NCKAP5: variants seen among roughly 807,000 people sequenced by gnomAD.
NCKAP5 encodes the protein NCK associated protein 5.
A neutral mutation model predicts 167.0 loss-of-function variants in NCKAP5; 92 were observed. The ratio of observed to expected loss-of-function variants is 0.55; its 90% CI spans 0.47 to 0.66. The LOEUF (loss-of-function observed/expected upper bound fraction) is 0.66. Among genes scored for constraint, NCKAP5 ranks in the 30% least tolerant of loss-of-function variants. The pLI is 0.00. For synonymous variants in NCKAP5, 891 were observed against 877.4 expected, an observed-to-expected ratio of 1.02 and a Z score of -0.27; for missense variants, 2,378 against 2,315.0, an observed-to-expected ratio of 1.03 and a Z score of -0.56.
At chr2:133,647,356 A>AAAGG in the NCKAP5 span, among the ~76,000 whole-genome samples, 1 of 121,730 alleles carries the variant, frequency 8.2e-6, no homozygotes, top group South Asian at 2.6e-4. Context: ...GAAAGGAAAG[A>AAAGG]AAGGAAGGAA....
At chr2:133,305,320 C>T (rs1301912841) in intron 3 of NCKAP5, among the ~76,000 whole-genome samples, 1 of 152,142 alleles carries the variant, frequency 6.6e-6, no homozygotes. Context: ...GCTATGTTCC[C>T]CTGGTCACAT....
chr2:133,008,972 C>T (rs1252184559), intron 6 of NCKAP5, among the ~76,000 whole-genome samples: 2 of 152,184 alleles, frequency 1.3e-5, no homozygotes, highest in African/African-American at 4.8e-5. Context: ...CATGCATCCT[C>T]CAGGTTCCAG....
At position 133,525,138 on chromosome 2, in the gene NCKAP5, TAGA is replaced by T. The variant is rs1322429736; in HGVS notation, c.-61-7554_-61-7552del. 3.9e-5 allele frequency among the ~76,000 whole-genome samples: 6 copies of T among 152,318 alleles called. No individual in the cohort carries two copies. In the South Asian group the frequency reaches 1.0e-3, roughly 26 times the overall value. On this transcript the variant is annotated intron_variant, in intron 2 of 19. Transcript: ENST00000409261. ...TCCTACCAGCCCCCTGAAACTGATT[TAGA>T]AGAAGATTAAATGCTAACAAATTTC...
chr2:132,736,286 G>A (rs1020458220), intron 16 of NCKAP5, among the ~76,000 whole-genome samples: 1 of 152,132 alleles, frequency 6.6e-6, no homozygotes, highest in Non-Finnish European at 1.5e-5. Flanking sequence ...GTTTCTTTAA[G>A]GCACAATTAG....
At position 132,935,651 on chromosome 2, in the gene NCKAP5, AC is replaced by A. The variant is rs201350638; in HGVS notation, c.579+28068del. On this transcript the variant is annotated intron_variant, in intron 8 of 19. Transcript: ENST00000409261. ...TTGGGGGTGGTGGGGGACTTTACTG[AC>A]CCTTCTGGAAAACTAACTAGTGGTG... Among the ~76,000 whole-genome samples, 80 of 152,108 alleles carry A rather than the reference AC, an allele frequency of 5.3e-4. 3 individuals are homozygous for A. The East Asian group carries it at 0.015, about 28-fold the overall frequency.
In NCKAP5 at chr2:132,672,308, G is replaced by A. The variant is rs1218521808; in HGVS notation, c.*981C>T. On this transcript the variant is annotated 3_prime_UTR_variant, in exon 20 of 20. Transcript: ENST00000409261. ...TAAAAGACAATCTAAAGAAATGTCT[G>A]GAAGGAAAAACTGGTATTGGGAATA... The A allele has an allele frequency of 6.6e-6, 1 of 152,344 alleles. No homozygotes were observed. The highest frequency in any genetic ancestry group is 2.4e-5 in the African/African-American group (1 of 41,442). 9.4% of individuals were successfully genotyped at this position (152,344 alleles called of 1,614,324 possible).
intron 6 of NCKAP5, among the ~76,000 whole-genome samples, chr2:133,005,665 C>CTAT (rs2077940303): frequency 6.6e-6 from 1 of 152,110 alleles, no homozygotes; most frequent in Admixed American, 6.5e-5. Flanking sequence ...AAAAATAAAT[C>CTAT]TATTATTTTG....
chr2:132,694,103 T>TTTTTTTTATTTATTTATTTATTTA (rs1553473342), intron 19 of NCKAP5, among the ~76,000 whole-genome samples: 2 of 147,042 alleles, frequency 1.4e-5, no homozygotes, highest in Non-Finnish European at 3.0e-5. Context: ...GTTTTAAGTG[T>TTTTTTTTATTTATTTATTTATTTA]TTTATTTATT....
intron 4 of NCKAP5, among the ~76,000 whole-genome samples, chr2:133,231,821 T>C (rs2087162844): frequency 6.6e-6 from 1 of 152,170 alleles, no homozygotes; most frequent in Non-Finnish European, 1.5e-5. Flanking sequence ...TACCAAAGAT[T>C]AATAAATCTT....
intron 6 of NCKAP5, among the ~76,000 whole-genome samples, chr2:133,076,550 T>C (rs556398730): frequency 6.6e-6 from 1 of 152,328 alleles, no homozygotes; most frequent in Non-Finnish European, 1.5e-5. Context: ...TTCATCTGCT[T>C]GGAACAGAAA....
intron 7 of NCKAP5, among the ~76,000 whole-genome samples, chr2:132,971,028 T>C (rs2076818696): frequency 6.6e-6 from 1 of 152,232 alleles, no homozygotes; most frequent in South Asian, 2.1e-4. Flanking sequence ...TCAATTAATA[T>C]TTGCTGAGCA....
chr2:133,299,882 C>T (rs1292551240), intron 4 of NCKAP5, among the ~76,000 whole-genome samples: 1 of 148,638 alleles, frequency 6.7e-6, no homozygotes, highest in Non-Finnish European at 1.5e-5. Flanking sequence ...TCATAGACCG[C>T]TAGCAAGACT....
At chr2:133,160,465 T>C (rs2083752273) in intron 5 of NCKAP5, among the ~76,000 whole-genome samples, 1 of 150,714 alleles carries the variant, frequency 6.6e-6, no homozygotes, top group Non-Finnish European at 1.5e-5. Context: ...GCAGCGTTTA[T>C]TTGATCAAAG....
chr2:133,362,631 TAGG>T (rs1248168010), intron 3 of NCKAP5, among the ~76,000 whole-genome samples: 1 of 152,230 alleles, frequency 6.6e-6, no homozygotes. Context: ...CAATGGTCAC[TAGG>T]AGTTACAGGG....
At chr2:133,571,619 A>G (rs1438429547), upstream of NCKAP5, among the ~76,000 whole-genome samples, 4 of 152,186 alleles carry the variant, frequency 2.6e-5, no homozygotes, top group East Asian at 3.8e-4. Context: ...TATTATGTTA[A>G]TAAGTGTTTT....
chr2:132,798,315 T>C (rs1684765228), intron 11 of NCKAP5, among the ~76,000 whole-genome samples: 1 of 152,232 alleles, frequency 6.6e-6, no homozygotes, highest in African/African-American at 2.4e-5. Context: ...AGCCCATTAG[T>C]GCTTGTTGTA....
At chr2:132,806,058 A>G (rs1210441588) in intron 11 of NCKAP5, among the ~76,000 whole-genome samples, 1 of 152,156 alleles carries the variant, frequency 6.6e-6, no homozygotes, top group Non-Finnish European at 1.5e-5. Context: ...TACTTCATTT[A>G]TAATAACAGT....
intron 4 of NCKAP5, among the ~76,000 whole-genome samples, chr2:133,268,684 G>A (rs2089364567): frequency 6.6e-6 from 1 of 151,920 alleles, no homozygotes; most frequent in Non-Finnish European, 1.5e-5. Flanking sequence ...GGGTTTCACC[G>A]TGGTCTCGAT....
At chr2:133,449,606 C>T (rs751915571) in intron 3 of NCKAP5, among the ~76,000 whole-genome samples, 6 of 152,096 alleles carry the variant, frequency 3.9e-5, no homozygotes, top group African/African-American at 7.2e-5. Context: ...TAAGGCGTGA[C>T]GGTTCCTTTT....
Sources: gnomAD v4.1 joint callset for allele counts (sites outside exome capture counted in the v4.1 genomes callset) on GRCh38, gnomAD v4.1.1 for gene constraint, MANE v1.5 for transcripts, NCBI Gene and HGNC (gene_info 2026-07-23, HGNC 2026-07-21) for gene names.